The following FBXO11 variants were observed in gnomAD, a reference collection of about 807,000 sequenced individuals.
FBXO11 encodes the protein F-box protein 11, also known as F-box only protein 11.
A neutral mutation model predicts 117.0 loss-of-function variants in FBXO11; 13 were observed. That is an observed-to-expected ratio of 0.11 (90% CI 0.07 to 0.18). The LOEUF (loss-of-function observed/expected upper bound fraction) is 0.18. Ranked by LOEUF, FBXO11 falls within the 10% of genes least tolerant of loss-of-function variation. FBXO11 has a pLI of 1.00. For synonymous variants in FBXO11, 490 were observed against 380.5 expected (o/e 1.29, Z -3.35); for missense variants, 767 against 1,164.4 (o/e 0.66, Z 4.97).
intron 1 of FBXO11, among the ~76,000 whole-genome samples, chr2:47,900,804 G>GTA (rs1437646585): frequency 1.6e-5 from 1 of 60,650 alleles, no homozygotes; most frequent in Non-Finnish European, 3.5e-5. Flanking sequence ...ATATATACAC[G>GTA]TATACACACA....
intron 1 of FBXO11, among the ~76,000 whole-genome samples, chr2:47,842,022 T>G (rs1366803071): frequency 8.0e-6 from 1 of 124,734 alleles, no homozygotes; most frequent in African/African-American, 2.6e-5. Context: ...TTTATTTTTA[T>G]TTTTTTTTTT....
Position 47,905,626 on chromosome 2 carries a change from G to GGCGGCT in FBXO11, c.89_94dup (p.Gln30_Pro31dup). On this transcript the variant is annotated inframe_insertion, in exon 1 of 23. Coordinates refer to ENST00000403359, the MANE Select transcript of FBXO11 (RefSeq NM_001190274.2). ...CGGCTGCTGCTGGGGCGGCTGCGGC[G>GGCGGCT]GCGGCTGCTGCGGGGGCTGCTGCTG... 1 of 1,387,204 alleles carries GGCGGCT rather than the reference G, an allele frequency of 7.2e-7. No homozygotes were observed. Among genetic ancestry groups the GGCGGCT allele is most frequent in the Non-Finnish European group, 9.4e-7 (1 of 1,068,518 alleles). The allele number at this position is 1,387,204 out of a possible 1,614,324, so 85.9% of individuals were successfully genotyped here.
In FBXO11 at chr2:47,839,320, A is replaced by C. The variant is rs960942954; in HGVS notation, c.442+99T>G. ...CTGTAATAATCACTTTCTGAATCCC[A>C]AAGGTAATACTCGAATACACTTAAT... On this transcript the variant is annotated intron_variant, in intron 3 of 22. Coordinates refer to ENST00000403359, the MANE Select transcript of FBXO11 (RefSeq NM_001190274.2). 3.4e-5 allele frequency: 37 copies of C among 1,077,318 alleles called. No homozygotes were observed. In the Admixed American group the frequency reaches 9.0e-4, roughly 26 times the overall value. The allele number at this position is 1,077,318 out of a possible 1,614,324, so 66.7% of individuals were successfully genotyped here. A position where few individuals can be genotyped will look rare whatever the true frequency, so the allele number is the denominator to read the frequency against.
chr2:47,819,950 T>C (rs1671263982), intron 14 of FBXO11, among the ~76,000 whole-genome samples: 1 of 152,260 alleles, frequency 6.6e-6, no homozygotes, highest in South Asian at 2.1e-4. Context: ...TTTTGAAAGT[T>C]ATTATATTTT....
chr2:47,874,084 G>C (rs1179752900), intron 1 of FBXO11, among the ~76,000 whole-genome samples: 1 of 152,026 alleles, frequency 6.6e-6, no homozygotes, highest in Non-Finnish European at 1.5e-5. Flanking sequence ...TATGGTGGCG[G>C]GCACCTGTAA....
chr2:47,866,738 C>T (rs1675228805), intron 1 of FBXO11, among the ~76,000 whole-genome samples: 1 of 152,158 alleles, frequency 6.6e-6, no homozygotes, highest in South Asian at 2.1e-4. Context: ...TCCCAAAGTG[C>T]TGGGATTACA....
At chr2:47,873,563 G>T (rs1012024878) in intron 1 of FBXO11, among the ~76,000 whole-genome samples, 1 of 151,854 alleles carries the variant, frequency 6.6e-6, no homozygotes, top group Non-Finnish European at 1.5e-5. Context: ...CCCTACATAT[G>T]GCCCTCAAAG....
At chr2:47,820,497 C>A in intron 13 of FBXO11, 41 bp from the exon 14 acceptor site, 1 of 1,467,420 alleles carries the variant, frequency 6.8e-7, no homozygotes, top group Non-Finnish European at 9.5e-7. Context: ...ATTTGTGAGC[C>A]TAGAGAATAC....
chr2:47,812,113 CTCA>C (rs1670660994), intron 18 of FBXO11, among the ~76,000 whole-genome samples: 1 of 131,450 alleles, frequency 7.6e-6, no homozygotes, highest in South Asian at 2.1e-4. Flanking sequence ...TATGGAAAAC[CTCA>C]TGATTTGGGC....
At chr2:47,828,000 T>C (rs545276386) in intron 11 of FBXO11, among the ~76,000 whole-genome samples, 17 of 151,922 alleles carry the variant, frequency 1.1e-4, no homozygotes, top group East Asian at 3.9e-4. Flanking sequence ...CTGAAAAAAA[T>C]TTTTTAAGAA....
intron 1 of FBXO11, among the ~76,000 whole-genome samples, chr2:47,850,694 T>C: frequency 6.6e-6 from 1 of 152,216 alleles, no homozygotes; most frequent in East Asian, 1.9e-4. Flanking sequence ...ATAACTTTAG[T>C]TTGATTAAAA....
intron 11 of FBXO11, among the ~76,000 whole-genome samples, chr2:47,830,802 G>A (rs1437825758): frequency 2.0e-5 from 3 of 152,086 alleles, no homozygotes; most frequent in Admixed American, 1.3e-4. Flanking sequence ...TTTCAAAAAT[G>A]ATGAACTTGG....
chr2:47,843,254 T>G (rs987643092), intron 1 of FBXO11, among the ~76,000 whole-genome samples: 1 of 152,202 alleles, frequency 6.6e-6, no homozygotes, highest in Admixed American at 6.5e-5. Context: ...GAAAGGAACA[T>G]CAACACTAAT....
At chr2:47,862,054 G>C (rs572538863) in intron 1 of FBXO11, among the ~76,000 whole-genome samples, 2 of 151,840 alleles carry the variant, frequency 1.3e-5, no homozygotes, top group Admixed American at 1.3e-4. Flanking sequence ...CTGGGATTAC[G>C]GGCGCACGCT....
intron 1 of FBXO11, among the ~76,000 whole-genome samples, chr2:47,877,696 T>C (rs896032813): frequency 1.0e-3 from 153 of 152,202 alleles, no homozygotes; most frequent in African/African-American, 3.5e-3. Flanking sequence ...CGTTTTGTTT[T>C]GTTTTTGAGA....
At chr2:47,843,723 G>C (rs1486697945) in intron 1 of FBXO11, among the ~76,000 whole-genome samples, 1 of 148,990 alleles carries the variant, frequency 6.7e-6, no homozygotes. Flanking sequence ...TTACATTTTA[G>C]ATTTGCTGCT....
intron 18 of FBXO11, 149 bp downstream of exon 18, chr2:47,813,082 GGCA>G: frequency 6.3e-6 from 5 of 789,280 alleles, no homozygotes; most frequent in Non-Finnish European, 8.8e-6. Context: ...CTTAACTCTA[GGCA>G]CTAATCTCCT....
At chr2:47,846,768 A>G (rs1673445663) in intron 1 of FBXO11, among the ~76,000 whole-genome samples, 1 of 152,206 alleles carries the variant, frequency 6.6e-6, no homozygotes, top group South Asian at 2.1e-4. Flanking sequence ...ATATAAAATT[A>G]TTACTGAGAT....
In FBXO11 at chr2:47,844,273, TTCTC is replaced by T. The variant is rs529194621; in HGVS notation, c.233-4508_233-4505del. Among the ~76,000 whole-genome samples the T allele has an allele frequency of 2.2e-3, 332 of 152,346 alleles. 1 individual carries two copies. The highest frequency in any genetic ancestry group is 7.6e-3 in the African/African-American group (314 of 41,578). On this transcript the variant is annotated intron_variant, in intron 1 of 22. Coordinates refer to ENST00000403359, the MANE Select transcript of FBXO11 (RefSeq NM_001190274.2). ...TCAATCATTTCACTCACATTTTATA[TTCTC>T]TCTTAGATTGTTCTGTCATTGACTT...
Sources: allele counts gnomAD v4.1 joint callset (sites outside exome capture counted in the v4.1 genomes callset), GRCh38; gene constraint gnomAD v4.1.1; transcripts MANE v1.5; gene names NCBI Gene and HGNC (gene_info 2026-07-23, HGNC 2026-07-21).